PDE4D: variants seen among roughly 807,000 people sequenced by gnomAD.
The protein encoded by PDE4D is phosphodiesterase 4D.
Under a neutral mutation model 87.4 loss-of-function variants are expected in PDE4D, and 24 were observed. The observed-to-expected ratio is 0.27, with a 90% CI of 0.20 to 0.39. The LOEUF is 0.39. Among genes scored for constraint, PDE4D ranks in the 10% least tolerant of loss-of-function variants. The pLI is 1.00. For missense variants in PDE4D, 714 were observed against 1,041.0 expected (o/e 0.69, Z 4.32); for synonymous variants, 384 against 383.2 (o/e 1.00, Z -0.02).
chr5:59,999,792 A>G (rs1248424190), intron 2 of PDE4D, among the ~76,000 whole-genome samples: 1 of 152,052 alleles, frequency 6.6e-6, no homozygotes, highest in Non-Finnish European at 1.5e-5. Flanking sequence ...TAAAAATAAT[A>G]TTAAAGAAGT....
chr5:59,781,221 C>T (rs72751264), intron 1 of PDE4D, among the ~76,000 whole-genome samples: 25,837 of 144,482 alleles, frequency 0.18, 2,966 homozygotes, highest in South Asian at 0.27. Flanking sequence ...CAAAGGTAAT[C>T]AAACCAAAGT....
chr5:59,118,576 C>A (rs890900766), intron 5 of PDE4D, among the ~76,000 whole-genome samples: 10 of 152,202 alleles, frequency 6.6e-5, no homozygotes, highest in African/African-American at 2.2e-4. Context: ...GACACTGTTG[C>A]AACTACACAG....
At chr5:60,502,455 C>CT (rs1375917764) in intron 1 of PDE4D, among the ~76,000 whole-genome samples, 1 of 152,156 alleles carries the variant, frequency 6.6e-6, no homozygotes, top group African/African-American at 2.4e-5. Context: ...CAGCTTTGTT[C>CT]TTTTGGCTTA....
chr5:59,296,795 A>G (rs1195552344), intron 1 of PDE4D, among the ~76,000 whole-genome samples: 1 of 145,094 alleles, frequency 6.9e-6, no homozygotes, highest in African/African-American at 2.5e-5. Flanking sequence ...ACACACACAC[A>G]CACGCGTGCA....
At chr5:59,261,482 C>T (rs1197910930) in intron 1 of PDE4D, among the ~76,000 whole-genome samples, 2 of 151,666 alleles carry the variant, frequency 1.3e-5, no homozygotes, top group African/African-American at 2.4e-5. Context: ...AATAGAGCCT[C>T]AAGCATTCAA....
At chr5:59,091,795 G>A (rs1047672646) in intron 5 of PDE4D, among the ~76,000 whole-genome samples, 2 of 151,932 alleles carry the variant, frequency 1.3e-5, no homozygotes, top group Non-Finnish European at 2.9e-5. Flanking sequence ...CTTAAATTTT[G>A]TTATATTTCA....
intron 1 of PDE4D, among the ~76,000 whole-genome samples, chr5:59,483,686 T>A (rs1467162586): frequency 2.0e-5 from 3 of 151,742 alleles, no homozygotes; most frequent in Admixed American, 2.0e-4. Context: ...TAAGTGGGGG[T>A]TCTGGATGGT....
chr5:59,573,174 GC>G (rs1173873077), intron 1 of PDE4D, among the ~76,000 whole-genome samples: 1 of 152,094 alleles, frequency 6.6e-6, no homozygotes, highest in East Asian at 1.9e-4. Flanking sequence ...AAGGCCCTCT[GC>G]CTCCCTTGAG....
intron 1 of PDE4D, among the ~76,000 whole-genome samples, chr5:59,603,072 A>G (rs75083051): frequency 1.1e-3 from 171 of 151,982 alleles, no homozygotes; most frequent in African/African-American, 4.0e-3. Flanking sequence ...AGAATAGGGG[A>G]AAAGCTATAT....
At chr5:59,730,250 A>T (rs1757189267) in intron 1 of PDE4D, among the ~76,000 whole-genome samples, 1 of 152,140 alleles carries the variant, frequency 6.6e-6, no homozygotes, top group African/African-American at 2.4e-5. Context: ...AGGGAGAAGC[A>T]GGTATGGAGT....
intron 1 of PDE4D, among the ~76,000 whole-genome samples, chr5:60,392,072 T>C (rs1390298645): frequency 1.3e-5 from 2 of 152,242 alleles, no homozygotes; most frequent in Non-Finnish European, 2.9e-5. Context: ...TAAAACCTAC[T>C]GACAGGACTA....
intron 1 of PDE4D, among the ~76,000 whole-genome samples, chr5:60,480,289 A>T (rs1365127451): frequency 6.6e-6 from 1 of 152,186 alleles, no homozygotes; most frequent in East Asian, 1.9e-4. Context: ...TTTGTGAAAT[A>T]ATCAGTTCCC....
intron 1 of PDE4D, among the ~76,000 whole-genome samples, chr5:59,498,317 C>T (rs979570842): frequency 6.0e-5 from 9 of 150,878 alleles, no homozygotes; most frequent in Admixed American, 2.0e-4. Flanking sequence ...AATAAAACCT[C>T]ACATATCAAT....
intron 1 of PDE4D, among the ~76,000 whole-genome samples, chr5:60,476,610 G>A (rs142842779): frequency 6.6e-6 from 1 of 152,284 alleles, no homozygotes; most frequent in East Asian, 1.9e-4. Flanking sequence ...CTGGTCCCTT[G>A]TTGTCTCCCC....
intron 1 of PDE4D, chr5:59,768,763 A>C: frequency 3.7e-6 from 3 of 811,498 alleles, no homozygotes; most frequent in Admixed American, 3.3e-5. Flanking sequence ...CGCATAGCAA[A>C]TGAACAAGGA....
At chr5:59,036,566 G>A (rs1054191721) in intron 6 of PDE4D, among the ~76,000 whole-genome samples, 1 of 152,212 alleles carries the variant, frequency 6.6e-6, no homozygotes, top group Non-Finnish European at 1.5e-5. Flanking sequence ...TACAGCTTTT[G>A]TGGATGTGGC....
At chr5:60,100,287 T>A (rs1317911203) in intron 2 of PDE4D, among the ~76,000 whole-genome samples, 1 of 151,978 alleles carries the variant, frequency 6.6e-6, no homozygotes, top group Non-Finnish European at 1.5e-5. Flanking sequence ...TAAATATAAT[T>A]TCTCATAGAT....
At chr5:59,449,847 C>A (rs771874419) in intron 1 of PDE4D, among the ~76,000 whole-genome samples, 3 of 152,130 alleles carry the variant, frequency 2.0e-5, no homozygotes, top group Non-Finnish European at 2.9e-5. Flanking sequence ...GGAAGCTCCA[C>A]AGAACTATGA....
intron 1 of PDE4D, among the ~76,000 whole-genome samples, chr5:59,637,485 T>A (rs1301628378): frequency 1.3e-5 from 2 of 151,836 alleles, no homozygotes; most frequent in African/African-American, 4.8e-5. Flanking sequence ...TAGCAAAGAC[T>A]TGGAACCAAC....
Sources: allele counts gnomAD v4.1 joint callset (sites outside exome capture counted in the v4.1 genomes callset), GRCh38; gene constraint gnomAD v4.1.1; transcripts MANE v1.5; gene names NCBI Gene and HGNC (gene_info 2026-07-23, HGNC 2026-07-21).